The following DPH1 variants were observed in gnomAD, a reference collection of about 807,000 sequenced individuals.
DPH1 encodes 2-(3-amino-3-carboxypropyl)histidine synthase subunit 1.
Under a neutral mutation model 55.3 loss-of-function variants are expected in DPH1, and 59 were observed. The ratio of observed to expected loss-of-function variants is 1.07; its 90% CI spans 0.87 to 1.33. The LOEUF (loss-of-function observed/expected upper bound fraction) is 1.33, where lower values mean the gene tolerates loss of function less well. Ranked by LOEUF, DPH1 falls within the 40% of genes most tolerant of loss-of-function variation. The pLI is 0.00. For synonymous variants in DPH1, 238 were observed against 235.5 expected (o/e 1.01, Z -0.10); for missense variants, 628 against 584.8 (o/e 1.07, Z -0.76).
intron 12 of DPH1, 140 bp from the exon 13 acceptor site, chr17:2,042,465 C>G: frequency 1.5e-6 from 2 of 1,310,394 alleles, no homozygotes; most frequent in Non-Finnish European, 2.0e-6. Flanking sequence ...CACTCATTTC[C>G]CCCCTCTCAT....
At chr17:2,030,757 A>T (rs2067320239) in intron 1 of DPH1, among the ~76,000 whole-genome samples, 1 of 152,222 alleles carries the variant, frequency 6.6e-6, no homozygotes, top group Admixed American at 6.5e-5. Flanking sequence ...GACACATTGA[A>T]GGGCTAATGT....
chr17:2,043,803 C>T lies in DPH1; in HGVS notation c.*1217C>T, dbSNP rs1040780476. Among the ~76,000 whole-genome samples the T allele has an allele frequency of 1.3e-5, 2 of 152,192 alleles. No homozygotes were observed. Among genetic ancestry groups the T allele is most frequent in the African/African-American group, 2.4e-5 (1 of 41,438 alleles). Reference sequence around the variant, plus strand: ...TGCTTCTCCCTAAGTGCTCTAACCTCGCTGAACTATGAGCCTGAAGGGTGG... The same window carrying T: ...TGCTTCTCCCTAAGTGCTCTAACCTTGCTGAACTATGAGCCTGAAGGGTGG... On this transcript the variant is annotated 3_prime_UTR_variant, in exon 13 of 13. Coordinates refer to ENST00000263083, the MANE Select transcript of DPH1 (RefSeq NM_001383.6).
chr17:2,037,712 G>C (rs1039172268), intron 6 of DPH1, among the ~76,000 whole-genome samples: 1 of 152,254 alleles, frequency 6.6e-6, no homozygotes, highest in Non-Finnish European at 1.5e-5. Flanking sequence ...CCAAGAGGGA[G>C]AGAAGGAGCT....
In DPH1 at chr17:2,034,394, A is replaced by G. The variant is rs555237616; in HGVS notation, c.278+552A>G. ...GAGAGCTCAGCCATCTGGAACCAGC[A>G]CAGGAACAGGGGAGGGGAACGAAGA... is the stretch of plus-strand genomic sequence containing the variant. On this transcript the variant is annotated intron_variant, in intron 3 of 12. Coordinates refer to ENST00000263083, the MANE Select transcript of DPH1 (RefSeq NM_001383.6). Among the ~76,000 whole-genome samples the G allele has an allele frequency of 2.5e-3, 384 of 151,794 alleles. 5 individuals carry two copies. Among genetic ancestry groups the G allele is most frequent in the African/African-American group, 9.0e-3 (370 of 41,340 alleles).
chr17:2,035,306 TC>T (rs2067396737), intron 3 of DPH1, among the ~76,000 whole-genome samples: 1 of 150,856 alleles, frequency 6.6e-6, no homozygotes, highest in South Asian at 2.1e-4. Flanking sequence ...GGCCAGAGCC[TC>T]CTCTTCCTGA....
Position 2,041,893 on chromosome 17 carries a change from G to C in DPH1, c.*18+18G>C. On this transcript the variant is annotated intron_variant, in intron 12 of 12. Coordinates refer to ENST00000263083, the MANE Select transcript of DPH1 (RefSeq NM_001383.6). ...GGCCTCAGGTATCAGCCCCCGCTCT[G>C]GGTGCGCCCCGCCTTTTGCCGTTGT... 10 of 1,555,910 alleles carry C rather than the reference G, an allele frequency of 6.4e-6. No individual in the cohort carries two copies. The highest frequency in any genetic ancestry group is 8.7e-6 in the Non-Finnish European group (10 of 1,155,334).
Position 2,040,585 on chromosome 17 carries a change from C to T in DPH1, c.987C>T (p.Ser329=). The T allele has an allele frequency of 5.6e-6, 9 of 1,614,194 alleles. No individual in the cohort carries two copies. Among genetic ancestry groups the T allele is most frequent in the South Asian group, 3.3e-5 (3 of 91,084 alleles). ...LLSEIFPSKL[S]LLPEVDVWVQ... is the part of the protein sequence containing the mutation. The stretch of plus-strand genomic sequence containing the variant: ...CTGAGATCTTCCCCAGCAAGCTTAG[C>T]CTACTTCCTGAGGTGGATGTGTGAG... Residue 329 remains serine (S), a synonymous_variant, in exon 9 of 13, where the codon AGC becomes AGT. Coordinates refer to ENST00000263083, the MANE Select transcript of DPH1 (RefSeq NM_001383.6).
intron 1 of DPH1, among the ~76,000 whole-genome samples, chr17:2,031,826 T>G (rs1180278200): frequency 6.6e-6 from 1 of 152,106 alleles, no homozygotes. Context: ...AGAGTTGCAG[T>G]TTGCTAAGGG....
At position 2,042,196 on chromosome 17, in the gene DPH1, AC is replaced by A. The variant is rs758702947; in HGVS notation, c.*18+327del. Reference sequence around the variant, plus strand: ...CTCAGCGGCCCGCACCCGGTCCCCGACCCCCCGGGCCCCGAGGGCGCCAGAT... The same window carrying A: ...CTCAGCGGCCCGCACCCGGTCCCCGACCCCCGGGCCCCGAGGGCGCCAGAT... On this transcript the variant is annotated intron_variant, in intron 12 of 12. Transcript: ENST00000263083. 6.5e-5 allele frequency: 92 copies of A among 1,413,880 alleles called. No individual in the cohort carries two copies. In the African/African-American group the frequency reaches 1.2e-3, roughly 19 times the overall value. 87.6% of individuals were successfully genotyped at this position (1,413,880 alleles called of 1,614,324 possible).
chr17:2,038,124 A>G (rs1249271355), intron 6 of DPH1, among the ~76,000 whole-genome samples: 3 of 149,106 alleles, frequency 2.0e-5, no homozygotes, highest in African/African-American at 7.4e-5. Context: ...AGCTTGGGGA[A>G]TATAATGAAA....
intron 3 of DPH1, chr17:2,035,073 G>C (rs1271989562): frequency 6.6e-6 from 1 of 151,870 alleles, no homozygotes; most frequent in South Asian, 2.1e-4. Flanking sequence ...GGTGGAGGAG[G>C]GGGTGACTAG....
chr17:2,037,096 C>T, intron 6 of DPH1, 140 bp downstream of exon 6: 1 of 1,266,602 alleles, frequency 7.9e-7, no homozygotes, highest in Non-Finnish European at 1.1e-6. Context: ...AAGGTAGGGA[C>T]CAAACAGGGA....
At position 2,041,085 on chromosome 17, in the gene DPH1, C is replaced by G. The variant is rs775959248; in HGVS notation, c.1008-18C>G. 1.0e-5 allele frequency: 16 copies of G among 1,589,148 alleles called. No individual in the cohort carries two copies. The highest frequency in any genetic ancestry group is 4.0e-5 in the African/African-American group (3 of 74,658). ...CGAGGAGGCCCTTCCTAGGGTCTGA[C>G]CTGGCTTCCCTTCCCAGGTGGGTGC... On this transcript the variant is annotated intron_variant, in intron 9 of 12. Transcript: ENST00000263083.
At chr17:2,041,904 G>C in intron 12 of DPH1, 29 bp downstream of exon 12, 4 of 1,545,962 alleles carry the variant, frequency 2.6e-6, no homozygotes, top group Non-Finnish European at 2.6e-6. Flanking sequence ...GGTGCGCCCC[G>C]CCTTTTGCCG....
rs151177844 is a variant in DPH1, at chr17:2,039,313, G to A, written c.681-442G>A. 212 of 159,166 alleles carry A rather than the reference G, an allele frequency of 1.3e-3. 1 individual carries two copies. Among genetic ancestry groups the A allele is most frequent in the African/African-American group, 3.6e-3 (148 of 41,264 alleles). The allele number at this position is 159,166 out of a possible 1,614,324, so 9.9% of individuals were successfully genotyped here. A position where few individuals can be genotyped will look rare whatever the true frequency, so the allele number is the denominator to read the frequency against. On this transcript the variant is annotated intron_variant, in intron 6 of 12. Coordinates refer to ENST00000263083, the MANE Select transcript of DPH1 (RefSeq NM_001383.6). Reference sequence around the variant, plus strand: ...CCTGACCTCGTGATCCACCCGCCTCGGCCTCCCAAAGTGTTGGGATTACAG... The same window carrying A: ...CCTGACCTCGTGATCCACCCGCCTCAGCCTCCCAAAGTGTTGGGATTACAG...
chr17:2,032,292 AG>A, intron 1 of DPH1, among the ~76,000 whole-genome samples: 1 of 152,220 alleles, frequency 6.6e-6, no homozygotes, highest in Middle Eastern at 3.4e-3. Flanking sequence ...GTTCTCTATC[AG>A]GGAGCAGTAT....
chr17:2,030,359 G>A, intron 1 of DPH1, 129 bp downstream of exon 1: 1 of 1,166,084 alleles, frequency 8.6e-7, no homozygotes, highest in Non-Finnish European at 1.2e-6. Context: ...TAGTCGCCTT[G>A]GGCCGCTGTC....
In DPH1 at chr17:2,036,607, T is replaced by G; in HGVS notation, c.479T>G (p.Leu160Arg). The G allele has an allele frequency of 6.2e-7, 1 of 1,614,150 alleles. No individual in the cohort carries two copies. ...VDIRIDTTHL[L>R]DSLRLTFPPA... is the part of the protein sequence containing the mutation. ...ATCCGGATAGACACTACACACCTCCTGGACTCTCTCCGCCTCACCTTTCCC... is the reference window on the plus strand; with the variant it reads ...ATCCGGATAGACACTACACACCTCCGGGACTCTCTCCGCCTCACCTTTCCC... The change falls in exon 5 of 13, where the codon CTG becomes CGG. Residue 160 changes from leucine to arginine, a missense_variant. Leu to Arg is a moderately radical substitution (Grantham distance 102, BLOSUM62 -2). Transcript: ENST00000263083. This position sits in a 1 kb window ranked among gnomAD's most constrained non-coding sequence, Gnocchi z 4.8.
chr17:2,041,235 G>A (rs1352225727), intron 10 of DPH1, 54 bp downstream of exon 10: 6 of 1,560,184 alleles, frequency 3.8e-6, no homozygotes, highest in Non-Finnish European at 4.3e-6. Context: ...TCAAAGGTGA[G>A]GTCTGGAGTG....
Sources: gnomAD v4.1 joint callset for allele counts (sites outside exome capture counted in the v4.1 genomes callset) on GRCh38, gnomAD v4.1.1 for gene constraint, Gnocchi (gnomAD v3.1) non-coding constraint, MANE v1.5 for transcripts, NCBI Gene and HGNC (gene_info 2026-07-23, HGNC 2026-07-21) for gene names.